Variants in LRMDA observed in about 807,000 individuals in gnomAD.
LRMDA encodes leucine rich melanocyte differentiation associated.
A neutral mutation model predicts 29.8 loss-of-function variants in LRMDA; 18 were observed. That is an observed-to-expected ratio of 0.60 (90% confidence interval 0.42 to 0.90). LRMDA has a LOEUF of 0.90. LRMDA is among the 40% of genes least tolerant of loss of function. LRMDA has a pLI of 0.00. For missense variants in LRMDA, 273 were observed against 273.9 expected, an observed-to-expected ratio of 1.00 and a Z score of 0.02; for synonymous variants, 125 against 109.4, an observed-to-expected ratio of 1.14 and a Z score of -0.89.
chr10:76,399,570 T>C (rs1564530731), intron 6 of LRMDA, among the ~76,000 whole-genome samples: 1 of 152,220 alleles, frequency 6.6e-6, no homozygotes, highest in African/African-American at 2.4e-5. Flanking sequence ...ATAGCATTCC[T>C]GAAATTTAGC....
intron 2 of LRMDA, among the ~76,000 whole-genome samples, chr10:75,569,707 C>A (rs188545730): frequency 1.3e-5 from 2 of 152,176 alleles, no homozygotes; most frequent in African/African-American, 4.8e-5. Context: ...TGCCTGCAGA[C>A]GAATCACACA....
intron 6 of LRMDA, among the ~76,000 whole-genome samples, chr10:76,346,846 C>G (rs1237398390): frequency 1.3e-5 from 2 of 152,158 alleles, no homozygotes; most frequent in Non-Finnish European, 2.9e-5. Context: ...ACACCTGAAG[C>G]CTGTGTTCTT....
At chr10:76,071,394 G>C (rs1467767026) in intron 5 of LRMDA, among the ~76,000 whole-genome samples, 1 of 152,180 alleles carries the variant, frequency 6.6e-6, no homozygotes, top group African/African-American at 2.4e-5. Context: ...GAGAAAGAGA[G>C]GTTCTAACTT....
At chr10:76,153,025 G>A (rs1850474119) in intron 5 of LRMDA, among the ~76,000 whole-genome samples, 1 of 152,068 alleles carries the variant, frequency 6.6e-6, no homozygotes, top group Non-Finnish European at 1.5e-5. Context: ...ATTTTTAGTA[G>A]AGACGGGGTT....
intron 6 of LRMDA, among the ~76,000 whole-genome samples, chr10:76,440,761 G>A (rs746671571): frequency 6.6e-5 from 10 of 152,086 alleles, no homozygotes; most frequent in African/African-American, 2.2e-4. Flanking sequence ...CATTAGTCCC[G>A]TAGTCTCATA....
At chr10:76,319,951 A>G (rs965279303) in intron 5 of LRMDA, among the ~76,000 whole-genome samples, 3 of 152,182 alleles carry the variant, frequency 2.0e-5, no homozygotes, top group Non-Finnish European at 2.9e-5. Context: ...CTTGTTTCGA[A>G]GTCTGCCAAA....
chr10:76,521,565 C>T (rs1843121649), intron 6 of LRMDA, among the ~76,000 whole-genome samples: 1 of 152,140 alleles, frequency 6.6e-6, no homozygotes, highest in African/African-American at 2.4e-5. Context: ...GTGTAGCTTT[C>T]CTTTCTTTGG....
intron 5 of LRMDA, among the ~76,000 whole-genome samples, chr10:76,200,706 T>C (rs1851410188): frequency 6.6e-6 from 1 of 151,456 alleles, no homozygotes; most frequent in East Asian, 1.9e-4. Flanking sequence ...TTTTTTCTTT[T>C]TCTTTTTCTT....
intron 5 of LRMDA, among the ~76,000 whole-genome samples, chr10:76,307,800 T>C (rs911301320): frequency 6.6e-6 from 1 of 152,192 alleles, no homozygotes; most frequent in Non-Finnish European, 1.5e-5. Context: ...GAAACAAAGC[T>C]GAGATAGAAA....
At chr10:76,013,295 ATTTT>A (rs59047696) in intron 2 of LRMDA, among the ~76,000 whole-genome samples, 14 of 138,066 alleles carry the variant, frequency 1.0e-4, no homozygotes, top group African/African-American at 3.7e-4. Context: ...AGATGATTTA[ATTTT>A]TTTTTTTTTT....
At chr10:75,644,670 T>C (rs979975425) in intron 2 of LRMDA, among the ~76,000 whole-genome samples, 3 of 152,070 alleles carry the variant, frequency 2.0e-5, no homozygotes, top group Admixed American at 2.0e-4. Context: ...CCTTAGGCTT[T>C]TGTGTGCTAG....
intron 2 of LRMDA, among the ~76,000 whole-genome samples, chr10:75,477,135 T>G (rs1165436987): frequency 2.0e-5 from 3 of 151,934 alleles, no homozygotes; most frequent in Non-Finnish European, 4.4e-5. Flanking sequence ...GGACTACAGG[T>G]GTATACCATC....
intron 2 of LRMDA, among the ~76,000 whole-genome samples, chr10:75,953,621 C>G (rs1036483959): frequency 1.3e-5 from 2 of 152,150 alleles, no homozygotes; most frequent in African/African-American, 2.4e-5. Flanking sequence ...CAAAATGAGT[C>G]AAGTCATTCT....
chr10:76,240,223 T>C lies in LRMDA; in HGVS notation c.517-84178T>C, dbSNP rs571143952. On this transcript the variant is annotated intron_variant, in intron 5 of 6. Transcript: ENST00000611255. ...CACACACACACACCACACACACACA[T>C]ACGCACACCATAGAATACTACTTAA... Among the ~76,000 whole-genome samples, 325 of 149,598 alleles carry C rather than the reference T, an allele frequency of 2.2e-3. 2 individuals are homozygous for C. The highest frequency in any genetic ancestry group is 7.2e-3 in the African/African-American group (295 of 40,866).
chr10:75,456,162 C>T (rs1272315863), intron 2 of LRMDA, among the ~76,000 whole-genome samples: 1 of 152,200 alleles, frequency 6.6e-6, no homozygotes, highest in Non-Finnish European at 1.5e-5. Flanking sequence ...GCGGGGGAGA[C>T]AAGCCACCTC....
At chr10:75,692,219 A>ATAT (rs1554820676) in intron 2 of LRMDA, among the ~76,000 whole-genome samples, 2 of 87,546 alleles carry the variant, frequency 2.3e-5, no homozygotes, top group African/African-American at 1.1e-4. Context: ...AAAAAAAAAA[A>ATAT]ATATATATAT....
chr10:75,872,245 A>G (rs1845124293), intron 2 of LRMDA, among the ~76,000 whole-genome samples: 2 of 151,752 alleles, frequency 1.3e-5, no homozygotes, highest in African/African-American at 4.8e-5. Flanking sequence ...AGAACATCTC[A>G]TTATGTTTCC....
At chr10:76,379,712 T>G (rs1313934799) in intron 6 of LRMDA, among the ~76,000 whole-genome samples, 1 of 152,174 alleles carries the variant, frequency 6.6e-6, no homozygotes, top group Non-Finnish European at 1.5e-5. Context: ...TTAATTTTAT[T>G]TCGTTCTGCT....
At chr10:76,292,690 G>T (rs1197790771) in intron 5 of LRMDA, among the ~76,000 whole-genome samples, 1 of 151,870 alleles carries the variant, frequency 6.6e-6, no homozygotes, top group Admixed American at 6.6e-5. Context: ...GACTCTTTAT[G>T]CACACGCTTG....
Sources: gnomAD v4.1 joint callset for allele counts (sites outside exome capture counted in the v4.1 genomes callset) on GRCh38, gnomAD v4.1.1 for gene constraint, MANE v1.5 for transcripts, NCBI Gene and HGNC (gene_info 2026-07-23, HGNC 2026-07-21) for gene names.